The following SDK1 variants were observed in gnomAD, a reference collection of about 807,000 sequenced individuals.
SDK1 encodes protein sidekick-1.
In SDK1, 157 loss-of-function variants were observed where a neutral mutation model predicts 245.5. The ratio of observed to expected loss-of-function variants is 0.64; its 90% confidence interval spans 0.56 to 0.73. The LOEUF is 0.73. Among genes scored for constraint, SDK1 ranks in the 30% least tolerant of loss-of-function variants. The probability of loss-of-function intolerance (pLI) is 0.00; values close to 1 mark genes in which losing one functional copy is unlikely to be tolerated. For synonymous variants in SDK1, 1,647 were observed against 1,278.5 expected, an observed-to-expected ratio of 1.29 and a Z score of -6.15; for missense variants, 3,583 against 3,002.3, an observed-to-expected ratio of 1.19 and a Z score of -4.52.
intron 17 of SDK1, among the ~76,000 whole-genome samples, chr7:4,031,667 G>C (rs1203242278): frequency 1.3e-5 from 2 of 152,070 alleles, no homozygotes; most frequent in African/African-American, 4.8e-5. Flanking sequence ...AATATATGTA[G>C]ATATAGCAAA....
chr7:4,185,162 C>T (rs1782813221), intron 35 of SDK1, among the ~76,000 whole-genome samples: 1 of 152,204 alleles, frequency 6.6e-6, no homozygotes, highest in African/African-American at 2.4e-5. Context: ...AAGAAGGGGA[C>T]TCGGGCATTC....
chr7:4,045,304 G>A (rs1445692014), intron 17 of SDK1, among the ~76,000 whole-genome samples: 3 of 152,142 alleles, frequency 2.0e-5, no homozygotes, highest in African/African-American at 4.8e-5. Context: ...GTGCAGTGGT[G>A]TAATCACAGC....
At chr7:4,029,065 G>A (rs1031422683) in intron 17 of SDK1, among the ~76,000 whole-genome samples, 1 of 137,366 alleles carries the variant, frequency 7.3e-6, no homozygotes, top group Non-Finnish European at 1.6e-5. Flanking sequence ...TCCGAGGGGG[G>A]TGGGGGTCAC....
intron 1 of SDK1, among the ~76,000 whole-genome samples, chr7:3,594,152 C>T (rs1159620335): frequency 6.6e-6 from 1 of 152,166 alleles, no homozygotes; most frequent in African/African-American, 2.4e-5. Flanking sequence ...AATCACTCAC[C>T]TACTTTGTAT....
In SDK1 at chr7:3,821,627, T is replaced by C. The variant is rs575771397; in HGVS notation, c.847+44T>C. 27 of 1,603,166 alleles carry C rather than the reference T, an allele frequency of 1.7e-5. No individual in the cohort carries two copies. In the East Asian group the frequency reaches 3.8e-4, roughly 23 times the overall value. On this transcript the variant is annotated intron_variant, in intron 5 of 44. Transcript: ENST00000404826. ...AATGGTAATTCTGCAAGCAATAAAA[T>C]CTTGCTTTAATCAGTAACCACTGTC...
chr7:3,959,548 G>T (rs559806621), intron 8 of SDK1, among the ~76,000 whole-genome samples: 2 of 152,178 alleles, frequency 1.3e-5, no homozygotes, highest in South Asian at 4.1e-4. Context: ...CCCTGTACCC[G>T]TTAAGTAATT....
At chr7:3,367,550 T>C (rs1012002620) in intron 1 of SDK1, among the ~76,000 whole-genome samples, 2 of 152,220 alleles carry the variant, frequency 1.3e-5, no homozygotes. Context: ...TGCCTAGTGA[T>C]GTTAATTATT....
intron 12 of SDK1, 80 bp downstream of exon 12, chr7:3,971,648 G>C: frequency 7.8e-6 from 8 of 1,026,368 alleles, no homozygotes; most frequent in Non-Finnish European, 1.2e-5. Context: ...TGAGGAGGAA[G>C]AATTGGGGGA....
At chr7:3,987,104 C>T (rs139942260) in intron 13 of SDK1, 82 bp from the exon 14 acceptor site, 96 of 1,364,216 alleles carry the variant, frequency 7.0e-5, no homozygotes, top group East Asian at 5.3e-4. Context: ...CACAGCAGGA[C>T]GGTCTGCTGT....
chr7:4,046,915 A>C (rs1046540163), intron 17 of SDK1, among the ~76,000 whole-genome samples: 1 of 151,386 alleles, frequency 6.6e-6, no homozygotes, highest in Admixed American at 6.6e-5. Context: ...TATTCACTAT[A>C]TTGATTGGTT....
chr7:4,150,324 C>A (rs753420736), intron 30 of SDK1, among the ~76,000 whole-genome samples: 5 of 152,202 alleles, frequency 3.3e-5, no homozygotes, highest in Non-Finnish European at 7.4e-5. Context: ...ACACTCCAGG[C>A]TGTGGAGCGG....
chr7:4,237,084 G>T (rs751577921), intron 41 of SDK1, among the ~76,000 whole-genome samples: 1 of 151,998 alleles, frequency 6.6e-6, no homozygotes, highest in Non-Finnish European at 1.5e-5. Flanking sequence ...AGAGAAAGGG[G>T]TCTTGCTATG....
At chr7:3,360,200 C>G in intron 1 of SDK1, among the ~76,000 whole-genome samples, 1 of 152,146 alleles carries the variant, frequency 6.6e-6, no homozygotes, top group East Asian at 1.9e-4. Flanking sequence ...TCCAAGAGGT[C>G]AGGAGTCACA....
intron 5 of SDK1, among the ~76,000 whole-genome samples, chr7:3,835,374 A>G (rs1051833389): frequency 7.2e-5 from 11 of 152,142 alleles, no homozygotes; most frequent in African/African-American, 2.7e-4. Flanking sequence ...CAAATTAATC[A>G]TGCTGCTTCT....
intron 1 of SDK1, among the ~76,000 whole-genome samples, chr7:3,548,385 C>G (rs1028460357): frequency 2.6e-5 from 4 of 152,098 alleles, no homozygotes; most frequent in African/African-American, 9.7e-5. Context: ...AGGTCTTAAA[C>G]CTGGGTCTGT....
intron 35 of SDK1, among the ~76,000 whole-genome samples, chr7:4,189,346 A>T (rs114562177): frequency 6.6e-6 from 1 of 152,170 alleles, no homozygotes; most frequent in Non-Finnish European, 1.5e-5. Context: ...TGAGGCTCAC[A>T]TGGTTACTCA....
At chr7:3,856,095 A>G (rs1411969925) in intron 5 of SDK1, among the ~76,000 whole-genome samples, 1 of 152,224 alleles carries the variant, frequency 6.6e-6, no homozygotes. Flanking sequence ...ACTGGGGAGA[A>G]GAGAGATGTG....
chr7:3,568,354 C>A (rs111285192), intron 1 of SDK1, among the ~76,000 whole-genome samples: 2 of 152,242 alleles, frequency 1.3e-5, no homozygotes, highest in African/African-American at 4.8e-5. Flanking sequence ...TCTCAGTGTT[C>A]CCACTGCTCT....
intron 4 of SDK1, among the ~76,000 whole-genome samples, chr7:3,691,815 TACTC>T (rs1583312416): frequency 6.6e-6 from 1 of 152,290 alleles, no homozygotes; most frequent in East Asian, 1.9e-4. Context: ...CTTATCTACT[TACTC>T]ATTCAGACAG....
Sources: gnomAD v4.1 joint callset for allele counts (sites outside exome capture counted in the v4.1 genomes callset) on GRCh38, gnomAD v4.1.1 for gene constraint, MANE v1.5 for transcripts, NCBI Gene and HGNC (gene_info 2026-07-23, HGNC 2026-07-21) for gene names.